Variants in TLK1 observed in about 807,000 individuals in gnomAD.
TLK1 encodes the protein tousled like kinase 1.
Under a neutral mutation model 105.3 loss-of-function variants are expected in TLK1, and 24 were observed. The ratio of observed to expected loss-of-function variants is 0.23; its 90% CI spans 0.17 to 0.32. TLK1 has a LOEUF of 0.32. Ranked by LOEUF, TLK1 falls within the 10% of genes least tolerant of loss-of-function variation. The pLI is 1.00. For missense variants in TLK1, 558 were observed against 910.5 expected (o/e 0.61, Z 4.98); for synonymous variants, 321 against 310.4 (o/e 1.03, Z -0.36).
At chr2:171,024,893 G>T (rs560768632) in intron 12 of TLK1, among the ~76,000 whole-genome samples, 12 of 152,266 alleles carry the variant, frequency 7.9e-5, no homozygotes, top group African/African-American at 2.6e-4. Flanking sequence ...GGTGAGCAAC[G>T]ACTGCTTAAA....
intron 1 of TLK1, among the ~76,000 whole-genome samples, chr2:171,178,005 G>T (rs1359994150): frequency 2.0e-5 from 3 of 151,878 alleles, no homozygotes; most frequent in Non-Finnish European, 4.4e-5. Context: ...TGTTGGCCAG[G>T]CTGGTCCCCT....
intron 1 of TLK1, among the ~76,000 whole-genome samples, chr2:171,182,864 G>A (rs1467959855): frequency 6.7e-6 from 1 of 148,648 alleles, no homozygotes; most frequent in Non-Finnish European, 1.5e-5. Context: ...CAAGGATGCA[G>A]AGAGCTATGA....
At chr2:171,074,288 G>A (rs746686580) in intron 3 of TLK1, among the ~76,000 whole-genome samples, 2 of 152,012 alleles carry the variant, frequency 1.3e-5, no homozygotes, top group African/African-American at 2.4e-5. Flanking sequence ...TTTGTTCATT[G>A]TATACAGCAA....
At chr2:171,172,286 T>A (rs1396061766) in intron 1 of TLK1, among the ~76,000 whole-genome samples, 1 of 152,242 alleles carries the variant, frequency 6.6e-6, no homozygotes, top group Admixed American at 6.5e-5. Flanking sequence ...TCTGAGTGAC[T>A]GGTAATGTTC....
chr2:171,135,439 G>A (rs993520015), intron 1 of TLK1, among the ~76,000 whole-genome samples: 1 of 151,840 alleles, frequency 6.6e-6, no homozygotes, highest in Non-Finnish European at 1.5e-5. Context: ...AGGCTGAGGT[G>A]GGAGGATCAT....
In TLK1 at chr2:171,004,083, T is replaced by G. The variant is rs368499888; in HGVS notation, c.1904+2064A>C. On this transcript the variant is annotated intron_variant, in intron 18 of 20. Transcript: ENST00000431350. ...AATTCCCCTGCCTCAGCCTCCCAAG[T>G]AGCTGGGATTCCAGGCATGGCCACC... Among the ~76,000 whole-genome samples the G allele has an allele frequency of 3.0e-4, 46 of 152,228 alleles. No homozygotes were observed. In the East Asian group the frequency reaches 8.5e-3, roughly 28 times the overall value.
rs567219981 is a variant in TLK1, at chr2:171,023,437, A to C, written c.1236+4902T>G. On this transcript the variant is annotated intron_variant, in intron 12 of 20. Coordinates refer to ENST00000431350, the MANE Select transcript of TLK1 (RefSeq NM_012290.5). ...CATACACACACACACACACACACAC[A>C]CCAAAACACACACATTAAAGCCAAT... 4.6e-4 allele frequency among the ~76,000 whole-genome samples: 70 copies of C among 151,866 alleles called. No homozygotes were observed. In the Middle Eastern group the frequency reaches 0.01, roughly 22 times the overall value.
At chr2:171,113,990 A>T (rs1471351230) in intron 2 of TLK1, among the ~76,000 whole-genome samples, 1 of 152,192 alleles carries the variant, frequency 6.6e-6, no homozygotes, top group East Asian at 1.9e-4. Context: ...AAAAACAAAA[A>T]TTATATTTAT....
At chr2:171,100,356 C>T (rs1689635313) in intron 2 of TLK1, among the ~76,000 whole-genome samples, 2 of 152,180 alleles carry the variant, frequency 1.3e-5, no homozygotes, top group Admixed American at 1.3e-4. Flanking sequence ...CATGAATGGC[C>T]TGGTGCAACT....
In TLK1 at chr2:171,108,077, C is replaced by CA. The variant is rs1287278806; in HGVS notation, c.258+9661dup. On this transcript the variant is annotated intron_variant, in intron 2 of 20. Coordinates refer to ENST00000431350, the MANE Select transcript of TLK1 (RefSeq NM_012290.5). Reference sequence around the variant, plus strand: ...TCTCTCAAAAAAAAAACAACAACAACAACAACAACAAAAAAACAGGAGCCA... The same window carrying CA: ...TCTCTCAAAAAAAAAACAACAACAACAAACAACAACAAAAAAACAGGAGCCA... Among the ~76,000 whole-genome samples, 17 of 103,856 alleles carry CA rather than the reference C, an allele frequency of 1.6e-4. 1 individual carries two copies. Among genetic ancestry groups the CA allele is most frequent in the African/African-American group, 4.7e-4 (8 of 16,926 alleles). 68.1% of individuals were successfully genotyped at this position (103,856 alleles called of 152,430 possible). A position where few individuals can be genotyped will look rare whatever the true frequency, so the allele number is the denominator to read the frequency against.
At chr2:171,044,296 T>G (rs1686834159) in intron 11 of TLK1, among the ~76,000 whole-genome samples, 2 of 152,034 alleles carry the variant, frequency 1.3e-5, no homozygotes, top group Non-Finnish European at 2.9e-5. Context: ...AAATCTGTAC[T>G]TAAAATGTTA....
chr2:171,102,808 T>C (rs1689747484), intron 2 of TLK1, among the ~76,000 whole-genome samples: 1 of 152,290 alleles, frequency 6.6e-6, no homozygotes, highest in South Asian at 2.1e-4. Flanking sequence ...GGTTCTGTTG[T>C]AGATGCTAGG....
chr2:171,043,505 T>C (rs915680541), intron 11 of TLK1, among the ~76,000 whole-genome samples: 2 of 152,112 alleles, frequency 1.3e-5, no homozygotes, highest in Non-Finnish European at 2.9e-5. Flanking sequence ...AATGAAAGGA[T>C]CACATTTTTA....
chr2:171,063,034 C>A (rs572900235), intron 3 of TLK1, among the ~76,000 whole-genome samples: 2 of 152,214 alleles, frequency 1.3e-5, no homozygotes, highest in African/African-American at 2.4e-5. Flanking sequence ...ATTAAAAATT[C>A]TTTTAACATT....
At chr2:171,166,021 G>A in intron 1 of TLK1, among the ~76,000 whole-genome samples, 1 of 151,834 alleles carries the variant, frequency 6.6e-6, no homozygotes, top group Non-Finnish European at 1.5e-5. Context: ...TATGTACATG[G>A]CTTCCCAACT....
chr2:171,039,944 TAAGTA>T (rs988286042), intron 11 of TLK1, among the ~76,000 whole-genome samples: 6 of 151,986 alleles, frequency 3.9e-5, no homozygotes, highest in African/African-American at 1.4e-4. Flanking sequence ...GGTGTAGAAA[TAAGTA>T]AAGAGCAAAA....
At chr2:171,004,661 G>A (rs1684562272) in intron 18 of TLK1, among the ~76,000 whole-genome samples, 3 of 152,126 alleles carry the variant, frequency 2.0e-5, no homozygotes, top group Admixed American at 1.3e-4. Context: ...TCCTGCAGAC[G>A]AAGAATAATT....
intron 1 of TLK1, among the ~76,000 whole-genome samples, chr2:171,139,759 CTTT>C (rs1434905203): frequency 9.0e-6 from 1 of 110,628 alleles, no homozygotes; most frequent in African/African-American, 3.5e-5. Context: ...GGTCCCCAAC[CTTT>C]TTGGCACCAG....
chr2:171,191,843 A>G (rs573461906), intron 1 of TLK1, among the ~76,000 whole-genome samples: 1 of 152,232 alleles, frequency 6.6e-6, no homozygotes, highest in East Asian at 1.9e-4. Flanking sequence ...GATGAGCTTA[A>G]AAACTCTGAT....
Sources: allele counts gnomAD v4.1 joint callset (sites outside exome capture counted in the v4.1 genomes callset), GRCh38; gene constraint gnomAD v4.1.1; transcripts MANE v1.5; gene names NCBI Gene and HGNC (gene_info 2026-07-23, HGNC 2026-07-21).